SGSM1: variants seen among roughly 807,000 people sequenced by gnomAD.
SGSM1 encodes RUN and TBC1 domain containing 2.
A neutral mutation model predicts 133.8 loss-of-function variants in SGSM1; 73 were observed. The ratio of observed to expected loss-of-function variants is 0.55; its 90% CI spans 0.45 to 0.66. The LOEUF (loss-of-function observed/expected upper bound fraction) is 0.66. Among genes scored for constraint, SGSM1 ranks in the 30% least tolerant of loss-of-function variants. The pLI is 0.00. For missense variants in SGSM1, 1,213 were observed against 1,448.1 expected (o/e 0.84, Z 2.64); for synonymous variants, 563 against 573.0 (o/e 0.98, Z 0.25).
At chr22:24,806,602 G>C in intron 2 of SGSM1, 118 bp downstream of exon 2, 1 of 1,231,364 alleles carries the variant, frequency 8.1e-7, no homozygotes, top group Non-Finnish European at 1.1e-6. Context: ...AACAGGTGTG[G>C]GGCTCACCTG....
At chr22:24,827,819 A>G (rs951912992) in intron 2 of SGSM1, among the ~76,000 whole-genome samples, 2 of 150,984 alleles carry the variant, frequency 1.3e-5, no homozygotes, top group Admixed American at 1.3e-4. Flanking sequence ...TGAGGATTCG[A>G]CTCCAAGTCA....
rs138482565 is a variant in SGSM1, at chr22:24,884,103, C to T, written c.1546C>T (p.Leu516=). 3.8e-4 allele frequency: 615 copies of T among 1,613,778 alleles called. 2 individuals are homozygous for T. In the African/African-American group the frequency reaches 7.4e-3, roughly 19 times the overall value. The change falls in exon 15 of 25, where the codon CTG becomes TTG. Residue 516 remains leucine, a synonymous_variant. Coordinates refer to ENST00000400358, the MANE Select transcript of SGSM1 (RefSeq NM_001098497.3). The part of the protein sequence containing the change: ...LSTVRTHLSA[L]VNHMIVSPDL... ...CACCGTGAGAACCCACCTATCAGCC[C>T]TGGTCAATCACATGATCGTGTCTCC...
At chr22:24,875,131 C>T (rs1199900863) in intron 12 of SGSM1, among the ~76,000 whole-genome samples, 1 of 152,152 alleles carries the variant, frequency 6.6e-6, no homozygotes, top group African/African-American at 2.4e-5. Context: ...AGGGTATTAC[C>T]AGTTGTCCTG....
At chr22:24,923,644 C>T (rs574232854) in intron 24 of SGSM1, among the ~76,000 whole-genome samples, 2 of 151,576 alleles carry the variant, frequency 1.3e-5, no homozygotes, top group South Asian at 2.1e-4. Context: ...TTTTTTGAGA[C>T]GGAGTTTCGC....
chr22:24,858,644 A>G (rs1170045996), intron 8 of SGSM1, among the ~76,000 whole-genome samples: 1 of 115,578 alleles, frequency 8.7e-6, no homozygotes, highest in East Asian at 2.4e-4. Flanking sequence ...TCAAAAAAAA[A>G]AAAAAAAAAA....
At chr22:24,814,031 T>C (rs1927914827) in intron 2 of SGSM1, 1 of 152,214 alleles carries the variant, frequency 6.6e-6, no homozygotes, top group South Asian at 2.1e-4. Flanking sequence ...GGTCTCACTT[T>C]CCTGCTTTCT....
At chr22:24,863,321 T>G (rs947063864) in intron 9 of SGSM1, among the ~76,000 whole-genome samples, 2 of 152,074 alleles carry the variant, frequency 1.3e-5, no homozygotes, top group Non-Finnish European at 2.9e-5. Context: ...TATGCCTGGC[T>G]AATTCTTTTC....
At chr22:24,811,367 T>C (rs1927729051) in intron 2 of SGSM1, among the ~76,000 whole-genome samples, 1 of 152,092 alleles carries the variant, frequency 6.6e-6, no homozygotes, top group Non-Finnish European at 1.5e-5. Context: ...AATGTACTGT[T>C]CTTGAACAAC....
At chr22:24,831,584 C>T (rs1929121855) in intron 2 of SGSM1, among the ~76,000 whole-genome samples, 1 of 152,172 alleles carries the variant, frequency 6.6e-6, no homozygotes, top group Non-Finnish European at 1.5e-5. Flanking sequence ...AGCCTGGAGG[C>T]AGTCAGGGCC....
Position 24,926,412 on chromosome 22 carries a change from G to A in SGSM1, c.*2138G>A, listed in dbSNP as rs1028167869. The stretch of plus-strand genomic sequence containing the variant: ...TTAGACTTACGTCTCCCTCCCCTAC[G>A]TCCCCTAGCTTCCCAAGACAGGAAG... On this transcript the variant is annotated 3_prime_UTR_variant, in exon 25 of 25. Coordinates refer to ENST00000400358, the MANE Select transcript of SGSM1 (RefSeq NM_001098497.3). The A allele has an allele frequency of 6.6e-6, 1 of 152,074 alleles. No homozygotes were observed. Among genetic ancestry groups the A allele is most frequent in the Non-Finnish European group, 1.5e-5 (1 of 68,022 alleles). The allele number at this position is 152,074 out of a possible 1,614,324, so 9.4% of individuals were successfully genotyped here.
chr22:24,831,573 G>C (rs1929121160), intron 2 of SGSM1, among the ~76,000 whole-genome samples: 1 of 152,154 alleles, frequency 6.6e-6, no homozygotes, highest in South Asian at 2.1e-4. Flanking sequence ...TTTGGCCGAG[G>C]AGCCTGGAGG....
At chr22:24,910,953 TAAATA>T (rs1169791463) in intron 21 of SGSM1, among the ~76,000 whole-genome samples, 7 of 147,158 alleles carry the variant, frequency 4.8e-5, no homozygotes, top group East Asian at 2.0e-4. Flanking sequence ...TCAAAATAAA[TAAATA>T]AAATAAAATA....
rs113086622 is a variant in SGSM1 at position 24,897,751 on chromosome 22, G to A, written c.2023-221G>A. On this transcript the variant is annotated intron_variant, in intron 18 of 24. Transcript: ENST00000400358. Reference sequence around the variant, plus strand: ...CCCAAAGTTCTGGGATTGCAGGCGTGAGCCACCATGCCCAGCCTAGATCAC... The same window carrying A: ...CCCAAAGTTCTGGGATTGCAGGCGTAAGCCACCATGCCCAGCCTAGATCAC... Among the ~76,000 whole-genome samples the A allele has an allele frequency of 7.8e-3, 1,185 of 152,336 alleles. 28 individuals are homozygous for A. Among genetic ancestry groups the A allele is most frequent in the African/African-American group, 0.027 (1,132 of 41,572 alleles).
rs1471873345 is a variant in SGSM1, at chr22:24,868,488, G to T, written c.1107G>T (p.Gly369=). ...AGTTCCTCTCGTGCCTGGAGAATGGGCTGCTCCCACATGGGCAGTTGGACC... is the reference window on the plus strand; with the variant it reads ...AGTTCCTCTCGTGCCTGGAGAATGGTCTGCTCCCACATGGGCAGTTGGACC... ...LLQFLSCLEN[G]LLPHGQLDPP... Residue 369 remains glycine, a synonymous_variant, in exon 11 of 25, where the codon GGG becomes GGT. Coordinates refer to ENST00000400358, the MANE Select transcript of SGSM1 (RefSeq NM_001098497.3). 2 of 1,613,726 alleles carry T rather than the reference G, an allele frequency of 1.2e-6. No individual in the cohort carries two copies. Among genetic ancestry groups the T allele is most frequent in the South Asian group, 1.1e-5 (1 of 91,080 alleles).
intron 12 of SGSM1, among the ~76,000 whole-genome samples, chr22:24,873,349 T>C (rs887978747): frequency 1.3e-5 from 2 of 151,986 alleles, no homozygotes; most frequent in Non-Finnish European, 2.9e-5. Flanking sequence ...AATAATTCCT[T>C]GTGTGGGGGT....
chr22:24,841,072 G>C (rs11090348), intron 2 of SGSM1, among the ~76,000 whole-genome samples: 392 of 151,866 alleles, frequency 2.6e-3, no homozygotes, highest in African/African-American at 7.1e-3. Flanking sequence ...AGATGGTCTC[G>C]ATCTCCTGAC....
chr22:24,842,181 G>T (rs1340919006), intron 2 of SGSM1, among the ~76,000 whole-genome samples: 1 of 152,198 alleles, frequency 6.6e-6, no homozygotes, highest in Non-Finnish European at 1.5e-5. Flanking sequence ...AGGAAAGAAA[G>T]AGGTAGATTC....
At chr22:24,817,558 G>C (rs1257505068) in intron 2 of SGSM1, among the ~76,000 whole-genome samples, 1 of 151,992 alleles carries the variant, frequency 6.6e-6, no homozygotes, top group African/African-American at 2.4e-5. Flanking sequence ...TCACCATGTT[G>C]GTCAGGCTTG....
At chr22:24,920,098 G>A (rs1933954948) in intron 24 of SGSM1, 105 bp downstream of exon 24, 5 of 1,247,562 alleles carry the variant, frequency 4.0e-6, no homozygotes, top group Non-Finnish European at 4.4e-6. Context: ...GCATGGTGAA[G>A]GGGATAAAGA....
Sources: allele counts gnomAD v4.1 joint callset (sites outside exome capture counted in the v4.1 genomes callset), GRCh38; gene constraint gnomAD v4.1.1; transcripts MANE v1.5; gene names NCBI Gene and HGNC (gene_info 2026-07-23, HGNC 2026-07-21).